Variants in FARP1 observed in about 807,000 individuals in gnomAD.
The protein encoded by FARP1 is FERM, ARH/RhoGEF and pleckstrin domain protein 1.
A neutral mutation model predicts 128.8 loss-of-function variants in FARP1; 52 were observed. The observed-to-expected ratio is 0.40, with a 90% CI of 0.32 to 0.51. The LOEUF (loss-of-function observed/expected upper bound fraction) is 0.51, where lower values mean the gene tolerates loss of function less well. FARP1 is among the 20% of genes least tolerant of loss of function. The probability of loss-of-function intolerance (pLI) is 0.45; values close to 1 mark genes in which losing one functional copy is unlikely to be tolerated. For synonymous variants in FARP1, 580 were observed against 551.8 expected (o/e 1.05, Z -0.72); for missense variants, 1,333 against 1,367.9 (o/e 0.97, Z 0.40).
At chr13:98,310,371 AG>A (rs1196206678) in intron 2 of FARP1, among the ~76,000 whole-genome samples, 2 of 152,228 alleles carry the variant, frequency 1.3e-5, no homozygotes, top group Non-Finnish European at 2.9e-5. Context: ...ATCAGTAATT[AG>A]GCATCACAAA....
At chr13:98,290,783 G>C (rs924693439) in intron 2 of FARP1, among the ~76,000 whole-genome samples, 2 of 152,106 alleles carry the variant, frequency 1.3e-5, no homozygotes, top group African/African-American at 4.8e-5. Flanking sequence ...TAAAGAATTG[G>C]GTATTGAATG....
chr13:98,310,157 C>T (rs1440246368), intron 2 of FARP1, among the ~76,000 whole-genome samples: 7 of 151,132 alleles, frequency 4.6e-5, no homozygotes, highest in South Asian at 2.1e-4. Flanking sequence ...CACAGAATGA[C>T]GATGACTTCC....
At position 98,453,115 on chromosome 13, in the gene FARP1, A is replaced by C. The variant is rs1893274446; in HGVS notation, c.*4798A>C. The C allele has an allele frequency of 6.3e-7, 1 of 1,599,174 alleles. No individual in the cohort carries two copies. The highest frequency in any genetic ancestry group is 1.3e-5 in the African/African-American group (1 of 74,420). On this transcript the variant is annotated 3_prime_UTR_variant, in exon 27 of 27. Coordinates refer to ENST00000319562, the MANE Select transcript of FARP1 (RefSeq NM_005766.4). Reference sequence around the variant, plus strand: ...CGAAGGCTCTCGTTGACTTTTAAAAAAGGAGGAGGATGAAGAAGGAAAAAA... The same window carrying C: ...CGAAGGCTCTCGTTGACTTTTAAAACAGGAGGAGGATGAAGAAGGAAAAAA...
intron 2 of FARP1, among the ~76,000 whole-genome samples, chr13:98,278,789 G>A (rs1483544168): frequency 6.6e-6 from 1 of 150,870 alleles, no homozygotes; most frequent in Non-Finnish European, 1.5e-5. Flanking sequence ...CTGCTGTGAC[G>A]AGGCTGCATT....
At chr13:98,178,021 A>G (rs74851889) in intron 1 of FARP1, 9 of 152,144 alleles carry the variant, frequency 5.9e-5, no homozygotes, top group East Asian at 1.9e-4. Context: ...AAAGACTGTC[A>G]TATCACACTG....
intron 5 of FARP1, among the ~76,000 whole-genome samples, chr13:98,376,759 G>GTTTTTTTTTTTT (rs34686053): frequency 9.7e-6 from 1 of 103,444 alleles, no homozygotes; most frequent in African/African-American, 3.6e-5. Flanking sequence ...GGTTTTTTGT[G>GTTTTTTTTTTTT]TTTTTTTTTT....
intron 18 of FARP1, 58 bp from the exon 19 acceptor site, chr13:98,435,518 A>G (rs1023084429): frequency 1.3e-6 from 2 of 1,551,888 alleles, no homozygotes; most frequent in African/African-American, 2.7e-5. Flanking sequence ...GACAGCTGCT[A>G]GGGGAAGACC....
Position 98,431,120 on chromosome 13 carries a change from G to A in FARP1, c.1983G>A (p.Leu661=), listed in dbSNP as rs371078515. 2.0e-5 allele frequency: 33 copies of A among 1,614,062 alleles called. No homozygotes were observed. Among genetic ancestry groups the A allele is most frequent in the Non-Finnish European group, 2.5e-5 (29 of 1,180,046 alleles). The stretch of plus-strand genomic sequence containing the variant: ...ATGGAATCAAGAGCTCCCGGCGGCT[G>A]GAGAACTTCTGCAGAGACTTTGAGC... ...LENGIKSSRR[L]ENFCRDFELQ... is the part of the protein sequence containing the mutation. The change falls in exon 18 of 27, where the codon CTG becomes CTA. Residue 661 remains leucine (L), a synonymous_variant. Transcript: ENST00000319562.
At chr13:98,399,527 T>TG (rs1410984552) in intron 13 of FARP1, 1 of 152,246 alleles carries the variant, frequency 6.6e-6, no homozygotes, top group African/African-American at 2.4e-5. Flanking sequence ...GAGGTAGGGT[T>TG]GGGTGTGATA....
At chr13:98,422,860 G>T (rs769533294) in intron 16 of FARP1, among the ~76,000 whole-genome samples, 1 of 152,176 alleles carries the variant, frequency 6.6e-6, no homozygotes, top group Admixed American at 6.5e-5. Flanking sequence ...TATCTGTGGG[G>T]TGTCTATTAG....
chr13:98,304,035 C>T (rs1160923446), intron 2 of FARP1, among the ~76,000 whole-genome samples: 1 of 152,146 alleles, frequency 6.6e-6, no homozygotes, highest in Non-Finnish European at 1.5e-5. Flanking sequence ...CCTAACGGTC[C>T]TCTCTGTTTA....
At chr13:98,280,496 C>G (rs1884882434) in intron 2 of FARP1, among the ~76,000 whole-genome samples, 1 of 152,214 alleles carries the variant, frequency 6.6e-6, no homozygotes, top group Non-Finnish European at 1.5e-5. Context: ...CACCCCAGCT[C>G]TCTGTCTGCT....
At chr13:98,333,403 G>C (rs569904780) in intron 2 of FARP1, among the ~76,000 whole-genome samples, 3 of 149,278 alleles carry the variant, frequency 2.0e-5, no homozygotes, top group Non-Finnish European at 4.4e-5. Context: ...TTCATACCAG[G>C]TTTGCAAGAA....
intron 1 of FARP1, among the ~76,000 whole-genome samples, chr13:98,197,548 G>A (rs1879638772): frequency 6.6e-6 from 1 of 152,078 alleles, no homozygotes; most frequent in Non-Finnish European, 1.5e-5. Flanking sequence ...TTTACATTTT[G>A]GCATGTATTT....
intron 2 of FARP1, among the ~76,000 whole-genome samples, chr13:98,249,160 A>G (rs1478876365): frequency 6.6e-6 from 1 of 152,182 alleles, no homozygotes; most frequent in Non-Finnish European, 1.5e-5. Flanking sequence ...GACCATGTAG[A>G]GTGCAACTAC....
At chr13:98,384,509 A>T (rs1198433267) in intron 6 of FARP1, 14 of 568,702 alleles carry the variant, frequency 2.5e-5, no homozygotes, top group African/African-American at 1.7e-4. Flanking sequence ...CTTCTTTCTG[A>T]CTGATAGAGA....
chr13:98,451,926 T>G lies in FARP1; in HGVS notation c.*3609T>G, dbSNP rs1893215467. ...AACTCTTAAGGTCCCCGGCAACCGC[T>G]ACAGCAATCGCACAGATCAGCAACC... is the stretch of plus-strand genomic sequence containing the variant. On this transcript the variant is annotated 3_prime_UTR_variant, in exon 27 of 27. Coordinates refer to ENST00000319562, the MANE Select transcript of FARP1 (RefSeq NM_005766.4). 1 of 151,860 alleles carries G rather than the reference T, an allele frequency of 6.6e-6. No individual in the cohort carries two copies. The highest frequency in any genetic ancestry group is 6.6e-5 in the Admixed American group (1 of 15,244). The allele number at this position is 151,860 out of a possible 1,614,324, so 9.4% of individuals were successfully genotyped here.
At chr13:98,371,400 G>A (rs1325851468) in intron 5 of FARP1, among the ~76,000 whole-genome samples, 1 of 152,064 alleles carries the variant, frequency 6.6e-6, no homozygotes, top group Non-Finnish European at 1.5e-5. Context: ...CTCTGTCAGT[G>A]CTGATAAATT....
At chr13:98,287,800 CTTTTTTTT>C (rs35204639) in intron 2 of FARP1, among the ~76,000 whole-genome samples, 2 of 116,700 alleles carry the variant, frequency 1.7e-5, no homozygotes, top group South Asian at 2.8e-4. Flanking sequence ...CCAGGCACTT[CTTTTTTTT>C]TTTTTTTTTT....
Sources: allele counts gnomAD v4.1 joint callset (sites outside exome capture counted in the v4.1 genomes callset), GRCh38; gene constraint gnomAD v4.1.1; transcripts MANE v1.5; gene names NCBI Gene and HGNC (gene_info 2026-07-23, HGNC 2026-07-21).